Variants in DSC3 observed in about 807,000 individuals in gnomAD.
DSC3 encodes the protein desmocollin-3.
Under a neutral mutation model 89.5 loss-of-function variants are expected in DSC3, and 97 were observed. That is an observed-to-expected ratio of 1.08 (90% confidence interval 0.92 to 1.28). The LOEUF is 1.28. DSC3 is among the 50% of genes most tolerant of loss of function. The pLI is 0.00. For synonymous variants in DSC3, 436 were observed against 384.1 expected, an observed-to-expected ratio of 1.14 and a Z score of -1.58; for missense variants, 1,199 against 1,085.3, an observed-to-expected ratio of 1.10 and a Z score of -1.47.
At chr18:31,007,203 A>G (rs1389921910) in intron 11 of DSC3, 72 bp from the exon 12 acceptor site, 3 of 1,025,324 alleles carry the variant, frequency 2.9e-6, no homozygotes, top group Non-Finnish European at 4.5e-6. Flanking sequence ...TAAAAAGTCA[A>G]TTATATTCTA....
intron 1 of DSC3, among the ~76,000 whole-genome samples, chr18:31,035,477 T>C (rs888144299): frequency 2.0e-4 from 31 of 152,096 alleles, no homozygotes; most frequent in Admixed American, 1.8e-3. Flanking sequence ...ATACATATGC[T>C]TAATTTAATA....
At position 31,017,965 on chromosome 18, in the gene DSC3, T is replaced by C. The variant is rs76937972; in HGVS notation, c.1263+106A>G. 10,894 of 940,016 alleles carry C rather than the reference T, an allele frequency of 0.012. 782 individuals carry two copies. The African/African-American group carries it at 0.16, about 14-fold the overall frequency. 58.2% of individuals were successfully genotyped at this position (940,016 alleles called of 1,614,324 possible). On this transcript the variant is annotated intron_variant, in intron 9 of 15. Transcript: ENST00000360428. Reference sequence around the variant, plus strand: ...TAGTGGTTTAAATAGATTTTAAATTTTCTTCCAACTTGTAGAGTCTATGGT... The same window carrying C: ...TAGTGGTTTAAATAGATTTTAAATTCTCTTCCAACTTGTAGAGTCTATGGT...
At chr18:31,007,274 A>C in intron 11 of DSC3, 143 bp from the exon 12 acceptor site, 6 of 641,118 alleles carry the variant, frequency 9.4e-6, no homozygotes, top group Non-Finnish European at 1.6e-5. Context: ...ATAAGAACAT[A>C]GACAGATAAA....
At chr18:31,025,949 A>C (rs763191369) in intron 4 of DSC3, 34 bp from the exon 5 acceptor site, 1 of 1,586,434 alleles carries the variant, frequency 6.3e-7, no homozygotes. Context: ...AAAAAAATTA[A>C]AACTAAATTC....
intron 12 of DSC3, among the ~76,000 whole-genome samples, chr18:31,006,291 G>GGTA (rs780868241): frequency 4.3e-4 from 46 of 107,750 alleles, no homozygotes; most frequent in Non-Finnish European, 8.2e-4. Flanking sequence ...TCACCTCGCT[G>GGTA]GTATTATTAT....
At chr18:31,010,623 G>A (rs912487694) in intron 9 of DSC3, among the ~76,000 whole-genome samples, 6 of 151,812 alleles carry the variant, frequency 4.0e-5, no homozygotes, top group African/African-American at 7.3e-5. Flanking sequence ...TTTTTGTTTC[G>A]CCACTTAAAA....
At chr18:31,010,595 C>A (rs1985025065) in intron 9 of DSC3, among the ~76,000 whole-genome samples, 1 of 152,178 alleles carries the variant, frequency 6.6e-6, no homozygotes, top group South Asian at 2.1e-4. Context: ...TGTAAATTCT[C>A]TTCCACCTCA....
At chr18:31,021,964 A>G (rs1208863384) in intron 7 of DSC3, among the ~76,000 whole-genome samples, 7 of 149,864 alleles carry the variant, frequency 4.7e-5, no homozygotes, top group African/African-American at 1.7e-4. Flanking sequence ...ATATATCTAT[A>G]ATAATTAAAG....
chr18:31,017,534 T>C (rs1413130043), intron 9 of DSC3, among the ~76,000 whole-genome samples: 2 of 152,130 alleles, frequency 1.3e-5, no homozygotes, highest in Non-Finnish European at 2.9e-5. Context: ...TAATACTAAA[T>C]TTCATTGTGA....
In DSC3 at chr18:31,025,864, G is replaced by A. The variant is rs137869359; in HGVS notation, c.526C>T (p.Arg176Cys). ...NYTVFYSISG[R>C]GVDKEPLNLF... ...TTTAAAGGTTCTTTATCAACTCCACGTCCACTTATTGAGTAGAAGACAGTA... is the reference window on the plus strand; with the variant it reads ...TTTAAAGGTTCTTTATCAACTCCACATCCACTTATTGAGTAGAAGACAGTA... The change falls in exon 5 of 16, where the codon CGT (arginine) becomes TGT (cysteine). Residue 176 changes from arginine to cysteine, a missense_variant. Transcript: ENST00000360428. 6.5e-5 allele frequency: 105 copies of A among 1,612,680 alleles called. No individual in the cohort carries two copies. Among genetic ancestry groups the A allele is most frequent in the Middle Eastern group, 3.3e-4 (2 of 6,070 alleles).
chr18:31,036,402 A>G (rs769374617), intron 1 of DSC3, among the ~76,000 whole-genome samples: 2 of 151,754 alleles, frequency 1.3e-5, no homozygotes, highest in African/African-American at 4.8e-5. Context: ...TGCTTGTTAA[A>G]TTTTTTTCTT....
At chr18:31,008,548 A>T in intron 9 of DSC3, 23 bp from the exon 10 acceptor site, 1 of 1,613,050 alleles carries the variant, frequency 6.2e-7, no homozygotes, top group Non-Finnish European at 8.5e-7. Context: ...GTCCATGTAT[A>T]TCAGTGTCAG....
At chr18:31,004,058 G>T in intron 13 of DSC3, 84 bp downstream of exon 13, 1 of 1,069,446 alleles carries the variant, frequency 9.4e-7, no homozygotes, top group Non-Finnish European at 1.4e-6. Flanking sequence ...ATGGATGCTT[G>T]GACGAGATTA....
At chr18:31,014,029 G>C (rs1985154961) in intron 9 of DSC3, among the ~76,000 whole-genome samples, 1 of 152,020 alleles carries the variant, frequency 6.6e-6, no homozygotes, top group Non-Finnish European at 1.5e-5. Flanking sequence ...ACATTCATAT[G>C]ATGGATATTT....
intron 8 of DSC3, among the ~76,000 whole-genome samples, 159 bp from the exon 9 acceptor site, chr18:31,018,415 T>A (rs1478934503): frequency 6.6e-6 from 1 of 152,100 alleles, no homozygotes; most frequent in Non-Finnish European, 1.5e-5. Flanking sequence ...GGGTTATCTT[T>A]TAAATAAAAG....
Position 30,989,453 on chromosome 18 carries a change from G to A in DSC3, c.*4722C>T, listed in dbSNP as rs768382762. 6.6e-6 allele frequency among the ~76,000 whole-genome samples: 1 copy of A among 152,160 alleles called. No homozygotes were observed. The highest frequency in any genetic ancestry group is 1.5e-5 in the Non-Finnish European group (1 of 68,038). ...CAGTGGTTGCCAGGGGATAATGCAG[G>A]GAGGGGAAGAGGAGAATGACTGCTT... On this transcript the variant is annotated 3_prime_UTR_variant, in exon 16 of 16. Transcript: ENST00000360428.
intron 1 of DSC3, among the ~76,000 whole-genome samples, chr18:31,039,238 G>A (rs538104287): frequency 2.0e-5 from 3 of 152,134 alleles, no homozygotes; most frequent in East Asian, 1.9e-4. Context: ...CTTATCAGAC[G>A]AATCATTAAA....
chr18:31,021,672 A>T (rs1000559510), intron 7 of DSC3, among the ~76,000 whole-genome samples: 2 of 152,224 alleles, frequency 1.3e-5, no homozygotes, highest in East Asian at 3.8e-4. Flanking sequence ...ATGATTGCTG[A>T]CAAAATAGAA....
intron 15 of DSC3, among the ~76,000 whole-genome samples, chr18:30,995,788 A>T (rs1340222753): frequency 6.6e-6 from 1 of 151,902 alleles, no homozygotes; most frequent in Admixed American, 6.5e-5. Flanking sequence ...CCTGGGCAAC[A>T]TGGCAAAACA....
Sources: gnomAD v4.1 joint callset for allele counts (sites outside exome capture counted in the v4.1 genomes callset) on GRCh38, gnomAD v4.1.1 for gene constraint, MANE v1.5 for transcripts, NCBI Gene and HGNC (gene_info 2026-07-23, HGNC 2026-07-21) for gene names.